Variants in SPMAP2L observed in about 807,000 individuals in gnomAD.
SPMAP2L encodes the protein sperm microtubule associated protein 2-like.
chr4:56,551,802 C>T, the SPMAP2L span, among the ~76,000 whole-genome samples: 10 of 152,296 alleles, frequency 6.6e-5, no homozygotes, highest in Non-Finnish European at 1.2e-4. Flanking sequence ...ATTTATTTCT[C>T]CCTCCTGCCA....
the SPMAP2L span, among the ~76,000 whole-genome samples, chr4:56,558,648 C>T: frequency 6.6e-6 from 1 of 152,096 alleles, no homozygotes; most frequent in Non-Finnish European, 1.5e-5. Context: ...ATTACCTCAG[C>T]TTCCTAATCC....
the SPMAP2L span, among the ~76,000 whole-genome samples, chr4:56,554,281 T>C: frequency 6.6e-6 from 1 of 152,242 alleles, no homozygotes; most frequent in Non-Finnish European, 1.5e-5. Context: ...AAGATGACTG[T>C]ACCATTTTGC....
chr4:56,578,838 G>A, the SPMAP2L span, among the ~76,000 whole-genome samples: 1 of 152,060 alleles, frequency 6.6e-6, no homozygotes, highest in African/African-American at 2.4e-5. Context: ...AGCACTTTGG[G>A]AGGCCAAGGT....
the SPMAP2L span, among the ~76,000 whole-genome samples, chr4:56,589,833 C>T: frequency 6.6e-6 from 1 of 151,928 alleles, no homozygotes; most frequent in African/African-American, 2.4e-5. Context: ...ACTGTTGGTG[C>T]ATAGAAGAGC....
chr4:56,569,557 C>G, the SPMAP2L span, among the ~76,000 whole-genome samples: 2 of 151,918 alleles, frequency 1.3e-5, no homozygotes, highest in Admixed American at 1.3e-4. Flanking sequence ...TGCCTGTAAT[C>G]CCAGTACTTT....
At chr4:56,594,291 A>C in the SPMAP2L span, 1 of 1,555,000 alleles carries the variant, frequency 6.4e-7, no homozygotes, top group Non-Finnish European at 8.9e-7. Flanking sequence ...GAAAATAAAG[A>C]CATTTCCCTT....
At chr4:56,548,763 T>A in the SPMAP2L span, 27 of 1,460,726 alleles carry the variant, frequency 1.8e-5, no homozygotes, top group Admixed American at 4.8e-5. Context: ...GAATCTAATT[T>A]TTGCTTTTAC....
chr4:56,543,450 T>C, the SPMAP2L span, among the ~76,000 whole-genome samples: 1 of 152,062 alleles, frequency 6.6e-6, no homozygotes, highest in Non-Finnish European at 1.5e-5. Flanking sequence ...CCCAGCACTT[T>C]GAGAGGCAGA....
the SPMAP2L span, among the ~76,000 whole-genome samples, chr4:56,549,592 A>C: frequency 6.6e-5 from 10 of 152,240 alleles, no homozygotes; most frequent in Non-Finnish European, 1.5e-4. Flanking sequence ...TGTTTGGCTA[A>C]GATAGAGTTA....
At chr4:56,564,051 A>C in the SPMAP2L span, among the ~76,000 whole-genome samples, 1 of 152,156 alleles carries the variant, frequency 6.6e-6, no homozygotes, top group African/African-American at 2.4e-5. Flanking sequence ...AGGGCTATTC[A>C]GATGACCTGT....
At chr4:56,552,734 A>G in the SPMAP2L span, 11 of 647,308 alleles carry the variant, frequency 1.7e-5, no homozygotes, top group African/African-American at 2.0e-4. Context: ...TTGTCACCTC[A>G]TTGTAGTCAG....
chr4:56,560,242 T>C, the SPMAP2L span, among the ~76,000 whole-genome samples: 1 of 152,192 alleles, frequency 6.6e-6, no homozygotes, highest in Non-Finnish European at 1.5e-5. Context: ...AAATCACCTG[T>C]TGCGACTCCT....
chr4:56,603,180 C>T, the SPMAP2L span: 1 of 1,451,150 alleles, frequency 6.9e-7, no homozygotes, highest in Non-Finnish European at 9.3e-7. Context: ...CATCTTATTT[C>T]AGGTTGATTT....
the SPMAP2L span, among the ~76,000 whole-genome samples, chr4:56,613,779 C>G: frequency 6.6e-6 from 1 of 152,136 alleles, no homozygotes; most frequent in South Asian, 2.1e-4. Context: ...TTCAGATGTT[C>G]AGGGAAGGTA....
At chr4:56,598,448 G>T in the SPMAP2L span, among the ~76,000 whole-genome samples, 1 of 152,162 alleles carries the variant, frequency 6.6e-6, no homozygotes, top group Non-Finnish European at 1.5e-5. Context: ...GTTGACATGT[G>T]CTATGAAGAA....
At chr4:56,594,448 G>A in the SPMAP2L span, 9 of 1,605,524 alleles carry the variant, frequency 5.6e-6, no homozygotes, top group Non-Finnish European at 7.7e-6. Context: ...TTTTCTGAGA[G>A]CTTGAGAAGG....
chr4:56,530,791 A>G, the SPMAP2L span: 12 of 1,535,226 alleles, frequency 7.8e-6, no homozygotes, highest in Admixed American at 2.4e-4. Flanking sequence ...TGTGCTCAGG[A>G]TTCTCGACAC....
chr4:56,545,718 C>CAAAAAAAA, the SPMAP2L span, among the ~76,000 whole-genome samples: 2 of 94,152 alleles, frequency 2.1e-5, no homozygotes, highest in Non-Finnish European at 4.3e-5. Context: ...GACCCTGTCT[C>CAAAAAAAA]AAAAAAAAAA....
At chr4:56,550,676 A>G in the SPMAP2L span, among the ~76,000 whole-genome samples, 3 of 152,136 alleles carry the variant, frequency 2.0e-5, no homozygotes, top group Non-Finnish European at 2.9e-5. Flanking sequence ...GGTTTCAAAA[A>G]AGTTTTTCGT....
Sources: gnomAD v4.1 joint callset for allele counts (sites outside exome capture counted in the v4.1 genomes callset) on GRCh38, gnomAD v4.1.1 for gene constraint, MANE v1.5 for transcripts, NCBI Gene and HGNC (gene_info 2026-07-23, HGNC 2026-07-21) for gene names.